The following LRRC4C variants were observed in gnomAD, a reference collection of about 807,000 sequenced individuals.
LRRC4C encodes leucine rich repeat containing 4C.
A neutral mutation model predicts 33.6 loss-of-function variants in LRRC4C; 5 were observed. The ratio of observed to expected loss-of-function variants is 0.15; its 90% CI spans 0.08 to 0.31. The LOEUF (loss-of-function observed/expected upper bound fraction) is 0.31. LRRC4C is among the 10% of genes least tolerant of loss of function. The probability of loss-of-function intolerance (pLI) is 1.00; values close to 1 mark genes in which losing one functional copy is unlikely to be tolerated. For synonymous variants in LRRC4C, 329 were observed against 302.0 expected, an observed-to-expected ratio of 1.09 and a Z score of -0.93; for missense variants, 560 against 796.7, an observed-to-expected ratio of 0.70 and a Z score of 3.58.
intron 2 of LRRC4C, among the ~76,000 whole-genome samples, chr11:40,704,476 T>C (rs2136515611): frequency 6.6e-6 from 1 of 152,308 alleles, no homozygotes; most frequent in South Asian, 2.1e-4. Context: ...ATGGTCTCCC[T>C]GAAATCTCAT....
chr11:41,439,185 C>T (rs1309388393), intron 1 of LRRC4C, among the ~76,000 whole-genome samples: 5 of 152,134 alleles, frequency 3.3e-5, no homozygotes, highest in Non-Finnish European at 5.9e-5. Context: ...CAACTGCATC[C>T]ATGTTGCTGC....
intron 5 of LRRC4C, among the ~76,000 whole-genome samples, chr11:40,186,126 TCTAC>T (rs1326347902): frequency 1.3e-5 from 2 of 152,228 alleles, no homozygotes; most frequent in African/African-American, 2.4e-5. Flanking sequence ...AGACTCTGGT[TCTAC>T]CTACAGGAGA....
chr11:41,251,361 G>A (rs1338490060), intron 1 of LRRC4C, among the ~76,000 whole-genome samples: 1 of 152,124 alleles, frequency 6.6e-6, no homozygotes, highest in Non-Finnish European at 1.5e-5. Context: ...TACCTCCTGA[G>A]ACCTGGATTC....
chr11:41,431,756 A>G (rs2138427074), intron 1 of LRRC4C, among the ~76,000 whole-genome samples: 1 of 152,254 alleles, frequency 6.6e-6, no homozygotes, highest in Non-Finnish European at 1.5e-5. Flanking sequence ...ACATAAACAC[A>G]TGCAGATAAC....
At chr11:41,308,007 T>C (rs1261959297) in intron 1 of LRRC4C, among the ~76,000 whole-genome samples, 1 of 152,206 alleles carries the variant, frequency 6.6e-6, no homozygotes, top group Non-Finnish European at 1.5e-5. Context: ...CCTTAGGACC[T>C]GTAGGTGACC....
chr11:41,123,268 T>G (rs1419415505), intron 1 of LRRC4C, among the ~76,000 whole-genome samples: 694 of 52,288 alleles, frequency 0.013, 24 homozygotes, highest in African/African-American at 0.031. Context: ...TTTGTTTTTT[T>G]TTTTTTTTTT....
intron 3 of LRRC4C, among the ~76,000 whole-genome samples, chr11:40,357,156 A>G (rs1947707206): frequency 6.6e-6 from 1 of 152,180 alleles, no homozygotes; most frequent in Admixed American, 6.6e-5. Flanking sequence ...TGAAGGGGGA[A>G]AGGGCAAGAA....
intron 3 of LRRC4C, among the ~76,000 whole-genome samples, chr11:40,618,556 T>C (rs1962106690): frequency 6.6e-6 from 1 of 151,806 alleles, no homozygotes; most frequent in Non-Finnish European, 1.5e-5. Context: ...AATACTTTGA[T>C]GGTGCATGGG....
At position 41,106,207 on chromosome 11, in the gene LRRC4C, A is replaced by T. The variant is rs558722984; in HGVS notation, c.-495-172484T>A. Among the ~76,000 whole-genome samples the T allele has an allele frequency of 5.8e-4, 88 of 151,860 alleles. 1 individual carries two copies. Among genetic ancestry groups the T allele is most frequent in the Middle Eastern group, 6.8e-3 (2 of 294 alleles). ...CCTTTTTTTATAATACTTTACCTTT[A>T]TTATATTCTTTCCATGACTTGTATT... On this transcript the variant is annotated intron_variant, in intron 1 of 6. Coordinates refer to ENST00000528697, the MANE Select transcript of LRRC4C (RefSeq NM_001258419.2).
At chr11:41,148,996 A>G (rs573745433) in intron 1 of LRRC4C, among the ~76,000 whole-genome samples, 18 of 152,304 alleles carry the variant, frequency 1.2e-4, no homozygotes, top group South Asian at 8.3e-4. Flanking sequence ...TACATGGCCA[A>G]TTGTCTCAAG....
At chr11:40,390,841 T>C (rs1949306754) in intron 3 of LRRC4C, among the ~76,000 whole-genome samples, 1 of 152,114 alleles carries the variant, frequency 6.6e-6, no homozygotes, top group African/African-American at 2.4e-5. Flanking sequence ...TCATATTGTA[T>C]GGAAATAATC....
intron 1 of LRRC4C, among the ~76,000 whole-genome samples, chr11:41,279,387 C>CAT (rs1949587528): frequency 1.5e-5 from 1 of 65,222 alleles, no homozygotes; most frequent in South Asian, 6.1e-4. Flanking sequence ...CACAAACACA[C>CAT]ACACACACAC....
intron 3 of LRRC4C, among the ~76,000 whole-genome samples, chr11:40,486,708 T>C (rs1953881656): frequency 6.6e-6 from 1 of 152,020 alleles, no homozygotes; most frequent in Non-Finnish European, 1.5e-5. Context: ...TTTCAATTGG[T>C]TAAGATTAGA....
chr11:40,436,846 A>T (rs1951161389), intron 3 of LRRC4C, among the ~76,000 whole-genome samples: 1 of 152,076 alleles, frequency 6.6e-6, no homozygotes, highest in Admixed American at 6.5e-5. Flanking sequence ...TTCCCAACTG[A>T]GGCTGGAGAC....
At chr11:40,202,137 A>G (rs1469160485) in intron 5 of LRRC4C, among the ~76,000 whole-genome samples, 1 of 150,748 alleles carries the variant, frequency 6.6e-6, no homozygotes, top group Non-Finnish European at 1.5e-5. Flanking sequence ...GGGATCATTA[A>G]GGAAAACAAC....
intron 3 of LRRC4C, among the ~76,000 whole-genome samples, chr11:40,415,040 G>T (rs1419704567): frequency 1.3e-5 from 2 of 152,160 alleles, no homozygotes; most frequent in Non-Finnish European, 2.9e-5. Flanking sequence ...CTCCTAGTCT[G>T]CCCAGCCATG....
At chr11:41,129,602 G>A (rs1942918320) in intron 1 of LRRC4C, among the ~76,000 whole-genome samples, 1 of 151,274 alleles carries the variant, frequency 6.6e-6, no homozygotes, top group East Asian at 1.9e-4. Context: ...CTGCCTCAAT[G>A]GATTATTTTT....
chr11:41,304,192 T>C (rs1459573987), intron 1 of LRRC4C, among the ~76,000 whole-genome samples: 334 of 26,990 alleles, frequency 0.012, no homozygotes, highest in Non-Finnish European at 0.017. Flanking sequence ...GCCCCCCGCC[T>C]GGCCAGCCGC....
intron 1 of LRRC4C, among the ~76,000 whole-genome samples, chr11:40,957,453 CCACT>C: frequency 6.6e-6 from 1 of 151,740 alleles, no homozygotes; most frequent in South Asian, 2.1e-4. Flanking sequence ...TTTCCATCAC[CCACT>C]GTCTCCCTCT....
Sources: gnomAD v4.1 joint callset for allele counts (sites outside exome capture counted in the v4.1 genomes callset) on GRCh38, gnomAD v4.1.1 for gene constraint, MANE v1.5 for transcripts, NCBI Gene and HGNC (gene_info 2026-07-23, HGNC 2026-07-21) for gene names.